The following PPP1R9A variants were observed in gnomAD, a reference collection of about 807,000 sequenced individuals.
PPP1R9A encodes the protein protein phosphatase 1 regulatory subunit 9A, also known as neurabin-1.
Under a neutral mutation model 141.9 loss-of-function variants are expected in PPP1R9A, and 59 were observed. That is an observed-to-expected ratio of 0.42 (90% CI 0.34 to 0.52). PPP1R9A has a LOEUF of 0.52. Among genes scored for constraint, PPP1R9A ranks in the 20% least tolerant of loss-of-function variants. The pLI is 0.10. For synonymous variants in PPP1R9A, 500 were observed against 569.7 expected (o/e 0.88, Z 1.74); for missense variants, 1,444 against 1,611.9 (o/e 0.90, Z 1.78).
At chr7:95,205,678 A>G (rs1212090558) in intron 7 of PPP1R9A, among the ~76,000 whole-genome samples, 2 of 152,110 alleles carry the variant, frequency 1.3e-5, no homozygotes, top group Non-Finnish European at 2.9e-5. Flanking sequence ...TTGCCCTTGT[A>G]TGTCAGCTTA....
intron 12 of PPP1R9A, among the ~76,000 whole-genome samples, chr7:95,257,908 C>T (rs900993385): frequency 2.0e-5 from 3 of 151,982 alleles, no homozygotes; most frequent in African/African-American, 7.3e-5. Context: ...TCTTAATCCA[C>T]TCTATCATTG....
rs73433129 is a variant in PPP1R9A at position 95,281,124 on chromosome 7, C to T, written c.3297-2894C>T. 7.7e-3 allele frequency among the ~76,000 whole-genome samples: 1,171 copies of T among 152,240 alleles called. 17 individuals carry two copies. The highest frequency in any genetic ancestry group is 0.027 in the African/African-American group (1,114 of 41,518). On this transcript the variant is annotated intron_variant, in intron 16 of 19. Transcript: ENST00000433360. Reference sequence around the variant, plus strand: ...CCGAGAAATGAAAGCATACCACTCACTGTTCAGTTCTTTAAGGATACTAGC... The same window carrying T: ...CCGAGAAATGAAAGCATACCACTCATTGTTCAGTTCTTTAAGGATACTAGC...
At chr7:95,081,389 G>C (rs1815807746) in intron 2 of PPP1R9A, among the ~76,000 whole-genome samples, 1 of 152,100 alleles carries the variant, frequency 6.6e-6, no homozygotes, top group Non-Finnish European at 1.5e-5. Flanking sequence ...CATATGTTTT[G>C]AGGTGCTAGA....
intron 4 of PPP1R9A, among the ~76,000 whole-genome samples, chr7:95,131,839 T>C (rs1293317990): frequency 6.6e-6 from 1 of 152,176 alleles, no homozygotes; most frequent in Non-Finnish European, 1.5e-5. Context: ...TGTTTTTCCA[T>C]TTGTTGTTGT....
chr7:94,955,732 A>T (rs1797008974), intron 2 of PPP1R9A, among the ~76,000 whole-genome samples: 1 of 152,142 alleles, frequency 6.6e-6, no homozygotes, highest in South Asian at 2.1e-4. Flanking sequence ...TAGTTGTCAC[A>T]TTGTGATAAC....
intron 2 of PPP1R9A, among the ~76,000 whole-genome samples, chr7:95,029,968 AG>A (rs1288565497): frequency 6.6e-6 from 1 of 152,200 alleles, no homozygotes; most frequent in Non-Finnish European, 1.5e-5. Context: ...TGCAGGTACT[AG>A]GGCTCTCGCC....
chr7:95,144,859 C>T (rs924489639), intron 4 of PPP1R9A, among the ~76,000 whole-genome samples: 8 of 152,092 alleles, frequency 5.3e-5, no homozygotes, highest in Non-Finnish European at 1.2e-4. Flanking sequence ...TTTGTTAGAA[C>T]TAATAAATAA....
intron 2 of PPP1R9A, among the ~76,000 whole-genome samples, chr7:94,935,143 T>G (rs1194367756): frequency 6.6e-6 from 1 of 152,210 alleles, no homozygotes; most frequent in East Asian, 1.9e-4. Flanking sequence ...ATAATGTACA[T>G]TGTGTTTTCA....
chr7:95,158,717 A>G (rs1830009596), intron 4 of PPP1R9A, among the ~76,000 whole-genome samples: 1 of 152,250 alleles, frequency 6.6e-6, no homozygotes, highest in South Asian at 2.1e-4. Flanking sequence ...CAAGATATAT[A>G]AAGATATCTC....
intron 2 of PPP1R9A, among the ~76,000 whole-genome samples, chr7:94,952,784 C>T (rs1286264922): frequency 6.6e-6 from 1 of 151,960 alleles, no homozygotes; most frequent in Non-Finnish European, 1.5e-5. Context: ...TATCCTTCAC[C>T]TACTTTTTGA....
chr7:95,121,292 A>G (rs1465607721), intron 4 of PPP1R9A, among the ~76,000 whole-genome samples: 1 of 152,208 alleles, frequency 6.6e-6, no homozygotes, highest in Non-Finnish European at 1.5e-5. Flanking sequence ...ATATTTATGT[A>G]AAAACACAGG....
At chr7:95,280,488 A>T (rs1337926670) in intron 16 of PPP1R9A, among the ~76,000 whole-genome samples, 1 of 152,222 alleles carries the variant, frequency 6.6e-6, no homozygotes, top group African/African-American at 2.4e-5. Flanking sequence ...ACTGGATTCA[A>T]GATATATGTA....
At chr7:95,000,785 T>TC (rs2151515789) in intron 2 of PPP1R9A, among the ~76,000 whole-genome samples, 2 of 152,302 alleles carry the variant, frequency 1.3e-5, no homozygotes, top group South Asian at 4.1e-4. Flanking sequence ...GATTCCAGGG[T>TC]CATTGTTCCT....
chr7:95,197,683 C>T (rs963438390), intron 5 of PPP1R9A, among the ~76,000 whole-genome samples: 1 of 152,168 alleles, frequency 6.6e-6, no homozygotes, highest in East Asian at 1.9e-4. Context: ...GACAGAGTCT[C>T]TGTCACCCAG....
intron 5 of PPP1R9A, among the ~76,000 whole-genome samples, chr7:95,184,433 G>A (rs2152807271): frequency 6.6e-6 from 1 of 152,218 alleles, no homozygotes; most frequent in South Asian, 2.1e-4. Flanking sequence ...ATATCCTGGT[G>A]TAGCTTTTTC....
intron 5 of PPP1R9A, among the ~76,000 whole-genome samples, chr7:95,163,614 G>C (rs1830744727): frequency 6.6e-6 from 1 of 152,156 alleles, no homozygotes; most frequent in Non-Finnish European, 1.5e-5. Context: ...TTTCCTTTGG[G>C]TGTCATGTCA....
intron 2 of PPP1R9A, among the ~76,000 whole-genome samples, chr7:95,089,932 T>C (rs1181984125): frequency 6.6e-6 from 1 of 151,764 alleles, no homozygotes; most frequent in Admixed American, 6.6e-5. Flanking sequence ...TGAAGCATGG[T>C]ATTATTATTA....
chr7:95,229,043 C>A (rs1795538361), intron 8 of PPP1R9A, among the ~76,000 whole-genome samples: 1 of 151,980 alleles, frequency 6.6e-6, no homozygotes, highest in Non-Finnish European at 1.5e-5. Flanking sequence ...TTCAAAGTTA[C>A]AATGAGCAAT....
chr7:94,984,520 G>A (rs1435778846), intron 2 of PPP1R9A, among the ~76,000 whole-genome samples: 3 of 152,078 alleles, frequency 2.0e-5, no homozygotes, highest in Admixed American at 2.0e-4. Flanking sequence ...CCTGTTATTG[G>A]TCTATTCAGA....
Sources: allele counts gnomAD v4.1 joint callset (sites outside exome capture counted in the v4.1 genomes callset), GRCh38; gene constraint gnomAD v4.1.1; transcripts MANE v1.5; gene names NCBI Gene and HGNC (gene_info 2026-07-23, HGNC 2026-07-21).